Variants in LARGE1 observed in about 807,000 individuals in gnomAD.
LARGE1 encodes the protein LARGE xylosyl- and glucuronyltransferase 1.
Under a neutral mutation model 87.6 loss-of-function variants are expected in LARGE1, and 43 were observed. The observed-to-expected ratio is 0.49, with a 90% confidence interval of 0.38 to 0.63. The LOEUF is 0.63. Among genes scored for constraint, LARGE1 ranks in the 30% least tolerant of loss-of-function variants. The pLI, the probability that LARGE1 is intolerant of heterozygous loss-of-function variation, is 0.00. For missense variants in LARGE1, 802 were observed against 1,000.2 expected (o/e 0.80, Z 2.67); for synonymous variants, 434 against 394.6 (o/e 1.10, Z -1.18).
intron 6 of LARGE1, among the ~76,000 whole-genome samples, chr22:33,508,829 A>C (rs1397047970): frequency 6.6e-6 from 1 of 152,214 alleles, no homozygotes; most frequent in African/African-American, 2.4e-5. Context: ...TGCAAAAGGA[A>C]AATATGGCAG....
chr22:33,547,645 T>A (rs1320874600), intron 6 of LARGE1, among the ~76,000 whole-genome samples: 1 of 151,338 alleles, frequency 6.6e-6, no homozygotes. Flanking sequence ...AAAAAAAAAA[T>A]TAGCTGGGCA....
At chr22:33,096,653 C>G in the LARGE1 span, among the ~76,000 whole-genome samples, 1 of 151,054 alleles carries the variant, frequency 6.6e-6, no homozygotes, top group African/African-American at 2.4e-5. Flanking sequence ...CAAGCTCCTC[C>G]TCCCGGGTTC....
chr22:33,777,660 G>T (rs1163630609), intron 1 of LARGE1, among the ~76,000 whole-genome samples: 1 of 109,980 alleles, frequency 9.1e-6, no homozygotes. Context: ...GGGGGAGGGG[G>T]AGGGGAAGGG....
intron 1 of LARGE1, among the ~76,000 whole-genome samples, chr22:33,909,338 T>G (rs960718523): frequency 6.6e-6 from 1 of 152,118 alleles, no homozygotes; most frequent in Non-Finnish European, 1.5e-5. Flanking sequence ...ACTTCATATA[T>G]GAACTGGTAC....
intron 5 of LARGE1, among the ~76,000 whole-genome samples, chr22:33,571,809 G>A (rs572024483): frequency 6.6e-6 from 1 of 152,018 alleles, no homozygotes. Flanking sequence ...ACTCTACTCT[G>A]AACTGATGTG....
the LARGE1 span, among the ~76,000 whole-genome samples, chr22:33,080,015 G>C: frequency 6.6e-6 from 1 of 152,150 alleles, no homozygotes; most frequent in Non-Finnish European, 1.5e-5. Flanking sequence ...TAGAGCCAGA[G>C]GTGGCAGGCA....
chr22:33,448,058 G>C lies in LARGE1; in HGVS notation c.788-15793C>G, dbSNP rs552980937. Among the ~76,000 whole-genome samples the C allele has an allele frequency of 3.3e-5, 5 of 152,058 alleles. No homozygotes were observed. The South Asian group carries it at 1.0e-3, about 32-fold the overall frequency. On this transcript the variant is annotated intron_variant, in intron 6 of 14. Transcript: ENST00000397394. ...TATTCGGAATAGCCAAATTCACGGA[G>C]ACAGAGAGCAGATTAGTGGTCAATG...
At position 33,283,326 on chromosome 22, in the gene LARGE1, G is replaced by A. The variant is rs1394144472; in HGVS notation, c.1753C>T (p.Leu585Phe). ...ATCATTGCTTTCTTGGTGTTGGCAA[G>A]ATCGAGCTGGATGACAGACTTCCTG... is the stretch of plus-strand genomic sequence containing the variant. Reference protein sequence around the residue: ...YLRKSVIQLDLANTKKAMIVP... With the variant: ...YLRKSVIQLDFANTKKAMIVP... Residue 585 changes from leucine to phenylalanine, a missense_variant, in exon 13 of 15, where the codon CTT becomes TTT. This residue lies in a region of LARGE1 where 625 missense variants were observed against 841.9 expected (regional missense o/e 0.74). Coordinates refer to ENST00000397394, the MANE Select transcript of LARGE1 (RefSeq NM_133642.5). 3 of 1,614,216 alleles carry A rather than the reference G, an allele frequency of 1.9e-6. No homozygotes were observed. Among genetic ancestry groups the A allele is most frequent in the Non-Finnish European group, 2.5e-6 (3 of 1,180,036 alleles).
chr22:33,570,979 A>G (rs2267232), intron 5 of LARGE1, among the ~76,000 whole-genome samples: 57,164 of 151,938 alleles, frequency 0.38, 11,290 homozygotes, highest in East Asian at 0.57. Flanking sequence ...AGAGAAGTCA[A>G]CACCTGGCAG....
intron 11 of LARGE1, among the ~76,000 whole-genome samples, chr22:33,172,242 A>AT (rs1922615985): frequency 6.6e-6 from 1 of 152,130 alleles, no homozygotes; most frequent in Non-Finnish European, 1.5e-5. Context: ...CTTGCTTTTT[A>AT]TTTTACAGGC....
chr22:33,400,801 A>T (rs1236483948), intron 7 of LARGE1, among the ~76,000 whole-genome samples: 1 of 152,246 alleles, frequency 6.6e-6, no homozygotes, highest in Non-Finnish European at 1.5e-5. Context: ...GAAAAAAAGC[A>T]GACGCTGAAA....
chr22:33,650,610 C>T lies in LARGE1; in HGVS notation c.165G>A (p.Thr55=). 3.1e-6 allele frequency: 5 copies of T among 1,604,364 alleles called. No homozygotes were observed. The highest frequency in any genetic ancestry group is 2.5e-6 in the Non-Finnish European group (3 of 1,179,932). The stretch of plus-strand genomic sequence containing the variant: ...TCTCGCGCTCCCGCTGGCTGGAGGC[C>T]GTGTACCTGGGGCTGTGTGCCTGGG... ...LESQAHSPRY[T]ASSQRERESL... Residue 55 remains threonine, a synonymous_variant, in exon 3 of 15, where the codon ACG becomes ACA. Transcript: ENST00000397394.
intron 11 of LARGE1, among the ~76,000 whole-genome samples, chr22:33,168,832 G>C (rs1922408682): frequency 6.6e-6 from 1 of 152,080 alleles, no homozygotes; most frequent in African/African-American, 2.4e-5. Context: ...AAATATACAA[G>C]TGTATAAGAA....
chr22:33,451,926 C>T (rs12157578), intron 6 of LARGE1, among the ~76,000 whole-genome samples: 8,249 of 152,204 alleles, frequency 0.054, 268 homozygotes, highest in African/African-American at 0.076. Context: ...CAACATACAA[C>T]GTTTGGTTTT....
chr22:33,392,010 CCA>C (rs1465186912), intron 7 of LARGE1, among the ~76,000 whole-genome samples: 2 of 151,958 alleles, frequency 1.3e-5, no homozygotes, highest in Non-Finnish European at 1.5e-5. Flanking sequence ...ACCTCATGAT[CCA>C]CCTGCCTCGG....
At chr22:33,625,772 CATATT>C (rs1051424813) in intron 4 of LARGE1, among the ~76,000 whole-genome samples, 5 of 152,100 alleles carry the variant, frequency 3.3e-5, no homozygotes, top group African/African-American at 7.2e-5. Flanking sequence ...GGACACCTGT[CATATT>C]AGATTAGGGC....
chr22:33,124,024 G>A, the LARGE1 span, among the ~76,000 whole-genome samples: 3 of 152,160 alleles, frequency 2.0e-5, no homozygotes, highest in South Asian at 2.1e-4. Flanking sequence ...GATGGCTCAC[G>A]TCTGTAACCC....
At position 33,746,507 on chromosome 22, in the gene LARGE1, CA is replaced by C. The variant is rs1310053034; in HGVS notation, c.106+14863del. 10 of 152,288 alleles carry C rather than the reference CA, an allele frequency of 6.6e-5. 2 individuals are homozygous for C. Among genetic ancestry groups the C allele is most frequent in the African/African-American group, 2.2e-4 (9 of 41,578 alleles). The allele number at this position is 152,288 out of a possible 1,614,324, so 9.4% of individuals were successfully genotyped here. ...GTGAAATCCAAACAAATAATAATAA[CA>C]ATGACTTGGCCAGCGGAATGAATGA... On this transcript the variant is annotated intron_variant, in intron 2 of 14. Transcript: ENST00000397394.
Position 33,576,006 on chromosome 22 carries a change from C to A in LARGE1, c.616-10987G>T, listed in dbSNP as rs1411583691. 2.0e-5 allele frequency among the ~76,000 whole-genome samples: 3 copies of A among 152,202 alleles called. No homozygotes were observed. The East Asian group carries it at 5.8e-4, about 29-fold the overall frequency. On this transcript the variant is annotated intron_variant, in intron 5 of 14. Coordinates refer to ENST00000397394, the MANE Select transcript of LARGE1 (RefSeq NM_133642.5). ...TGGGAATTCTGATTTGTGAACTGGA[C>A]TGTTACAGTGGCTTAATTTCCTGAA...
Sources: allele counts gnomAD v4.1 joint callset (sites outside exome capture counted in the v4.1 genomes callset), GRCh38; gene constraint gnomAD v4.1.1; regional missense constraint gnomAD v4.1.1; transcripts MANE v1.5; gene names NCBI Gene and HGNC (gene_info 2026-07-23, HGNC 2026-07-21).